Variants in GSDME observed in about 807,000 individuals in gnomAD.
GSDME encodes gasdermin-E.
GSDME carries 44 observed loss-of-function variants against 47.5 expected under a neutral mutation model. The observed-to-expected ratio is 0.93, with a 90% CI of 0.73 to 1.19. The LOEUF (loss-of-function observed/expected upper bound fraction) is 1.19, where lower values mean the gene tolerates loss of function less well. Ranked by LOEUF, GSDME falls within the 50% of genes most tolerant of loss-of-function variation. GSDME has a pLI of 0.00. For synonymous variants in GSDME, 258 were observed against 252.8 expected, an observed-to-expected ratio of 1.02 and a Z score of -0.20; for missense variants, 663 against 604.2, an observed-to-expected ratio of 1.10 and a Z score of -1.02.
intron 5 of GSDME, among the ~76,000 whole-genome samples, chr7:24,713,268 T>C (rs1434910650): frequency 6.6e-6 from 1 of 152,104 alleles, no homozygotes; most frequent in East Asian, 1.9e-4. Flanking sequence ...CGGCTGCTCC[T>C]TTCCTCCAGG....
chr7:24,783,949 G>A, the GSDME span, among the ~76,000 whole-genome samples: 22 of 152,122 alleles, frequency 1.4e-4, no homozygotes, highest in African/African-American at 5.3e-4. Flanking sequence ...CACAGGCAGT[G>A]GAAATGTGGA....
chr7:24,711,992 G>A (rs993265728), intron 5 of GSDME, among the ~76,000 whole-genome samples: 1 of 152,188 alleles, frequency 6.6e-6, no homozygotes, highest in Non-Finnish European at 1.5e-5. Context: ...ACTAACTTGT[G>A]TACGTAAGCA....
chr7:24,772,807 T>C, the GSDME span, among the ~76,000 whole-genome samples: 1 of 152,228 alleles, frequency 6.6e-6, no homozygotes, highest in Admixed American at 6.5e-5. The surrounding 1 kb of genome is among the most constrained non-coding windows in gnomAD (Gnocchi z 4.5). Context: ...GAAAGGTATT[T>C]CTTTCTGACT....
rs1791028184 is a variant in GSDME at position 24,756,680 on chromosome 7, C to A, written c.-20+716G>T. Among the ~76,000 whole-genome samples, 1 of 152,176 alleles carries A rather than the reference C, an allele frequency of 6.6e-6. No homozygotes were observed. Among genetic ancestry groups the A allele is most frequent in the Non-Finnish European group, 1.5e-5 (1 of 68,038 alleles). ...GTGGTCGGTGTGTTCAGTCCACAACCAGCGCTTTTCTAAGAGGTGCCCTCT... is the reference window on the plus strand; with the variant it reads ...GTGGTCGGTGTGTTCAGTCCACAACAAGCGCTTTTCTAAGAGGTGCCCTCT... On this transcript the variant is annotated intron_variant, in intron 1 of 9. Coordinates refer to ENST00000645220, the MANE Select transcript of GSDME (RefSeq NM_001127453.2). The surrounding 1 kb of genome is among the most constrained non-coding windows in gnomAD (Gnocchi z 4.2).
At chr7:24,708,634 C>G (rs113939719) in intron 6 of GSDME, among the ~76,000 whole-genome samples, 1 of 152,234 alleles carries the variant, frequency 6.6e-6, no homozygotes, top group Non-Finnish European at 1.5e-5. Context: ...AGTGCTTTTA[C>G]AATGCTTTAG....
At chr7:24,709,617 C>T (rs1321381233) in intron 6 of GSDME, among the ~76,000 whole-genome samples, 1 of 152,048 alleles carries the variant, frequency 6.6e-6, no homozygotes, top group Admixed American at 6.6e-5. Context: ...TTTTCCTTGC[C>T]CATCTCCTCC....
intron 3 of GSDME, among the ~76,000 whole-genome samples, chr7:24,734,772 A>G (rs977795515): frequency 2.0e-5 from 3 of 151,698 alleles, no homozygotes; most frequent in Non-Finnish European, 4.4e-5. Flanking sequence ...AAAAAGAATG[A>G]AAAAGAATGA....
intron 3 of GSDME, among the ~76,000 whole-genome samples, chr7:24,730,849 A>G (rs1790122194): frequency 6.6e-6 from 1 of 152,126 alleles, no homozygotes. Flanking sequence ...AATGAAACTC[A>G]TCAGACAAGG....
the GSDME span, among the ~76,000 whole-genome samples, chr7:24,786,728 G>C: frequency 9.7e-3 from 1,471 of 152,220 alleles, 18 homozygotes; most frequent in African/African-American, 0.034. The surrounding 1 kb of genome is among the most constrained non-coding windows in gnomAD (Gnocchi z 5.5). Flanking sequence ...TTTTGGAGGT[G>C]GACAGTCGTG....
Position 24,742,063 on chromosome 7 carries a change from T to C in GSDME, c.404+2499A>G, listed in dbSNP as rs988671117. 6.6e-6 allele frequency among the ~76,000 whole-genome samples: 1 copy of C among 152,142 alleles called. No individual in the cohort carries two copies. Among genetic ancestry groups the C allele is most frequent in the Non-Finnish European group, 1.5e-5 (1 of 68,036 alleles). On this transcript the variant is annotated intron_variant, in intron 3 of 9. Coordinates refer to ENST00000645220, the MANE Select transcript of GSDME (RefSeq NM_001127453.2). This position sits in a 1 kb window ranked among gnomAD's most constrained non-coding sequence, Gnocchi z 4.4. The stretch of plus-strand genomic sequence containing the variant: ...CCATCACCACTACAAGTAATAGGAC[T>C]CCCGAGTCCAAGTGATCTCATCCCT...
At position 24,737,571 on chromosome 7, in the gene GSDME, TA is replaced by T. The variant is rs543134578; in HGVS notation, c.404+6990del. On this transcript the variant is annotated intron_variant, in intron 3 of 9. Coordinates refer to ENST00000645220, the MANE Select transcript of GSDME (RefSeq NM_001127453.2). ...TCACTGTTGAATGTTACCAAACATTTAAAAAAGAATGAATACCAATCCTACT... is the reference window on the plus strand; with the variant it reads ...TCACTGTTGAATGTTACCAAACATTTAAAAAGAATGAATACCAATCCTACT... 1.1e-4 allele frequency among the ~76,000 whole-genome samples: 16 copies of T among 151,994 alleles called. No individual in the cohort carries two copies. The East Asian group carries it at 2.9e-3, about 28-fold the overall frequency.
chr7:24,744,768 G>C lies in GSDME; in HGVS notation c.212-14C>G. 1 of 1,613,846 alleles carries C rather than the reference G, an allele frequency of 6.2e-7. No homozygotes were observed. Among genetic ancestry groups the C allele is most frequent in the Non-Finnish European group, 8.5e-7 (1 of 1,179,980 alleles). On this transcript the variant is annotated splice_polypyrimidine_tract_variant and intron_variant, in intron 2 of 9. Transcript: ENST00000645220. The surrounding 1 kb of genome is among the most constrained non-coding windows in gnomAD (Gnocchi z 4.5). ...ACTCCACGACCACTGGAATGGAGGA[G>C]ACGAGCAGAGGAAGCCGATGATGAT...
intron 5 of GSDME, among the ~76,000 whole-genome samples, chr7:24,715,900 ATG>A (rs779955805): frequency 2.7e-4 from 41 of 152,230 alleles, no homozygotes; most frequent in Middle Eastern, 3.4e-3. Flanking sequence ...CATTTGCAGA[ATG>A]AGAGAGGGAG....
rs1791069857 is a variant in GSDME at position 24,757,404 on chromosome 7, C to T, written c.-28G>A. The T allele has an allele frequency of 1.3e-5, 2 of 152,262 alleles. No homozygotes were observed. Among genetic ancestry groups the T allele is most frequent in the South Asian group, 4.1e-4 (2 of 4,834 alleles). The allele number at this position is 152,262 out of a possible 1,614,324, so 9.4% of individuals were successfully genotyped here. ...GCCCGCCGCGCACTTACCCGCGCGC[C>T]CGCTGCTGGGTCCCCGGCAGCCGCG... is the stretch of plus-strand genomic sequence containing the variant. On this transcript the variant is annotated 5_prime_UTR_variant, in exon 1 of 10. Transcript: ENST00000645220. The surrounding 1 kb of genome is among the most constrained non-coding windows in gnomAD (Gnocchi z 5.9).
intron 3 of GSDME, 50 bp from the exon 4 acceptor site, chr7:24,719,268 G>A (rs771351019): frequency 6.3e-7 from 1 of 1,581,872 alleles, no homozygotes; most frequent in South Asian, 1.1e-5. Context: ...GGGGACATTG[G>A]TGTAGTGTGA....
At chr7:24,699,765 G>A (rs184034249) in intron 9 of GSDME, among the ~76,000 whole-genome samples, 147 of 152,270 alleles carry the variant, frequency 9.7e-4, no homozygotes, top group African/African-American at 3.4e-3. Flanking sequence ...TCCTCTGTCT[G>A]AATCCCTACT....
the GSDME span, among the ~76,000 whole-genome samples, chr7:24,786,536 G>C: frequency 4.2e-3 from 639 of 152,284 alleles, 7 homozygotes; most frequent in African/African-American, 0.014. This position sits in a 1 kb window ranked among gnomAD's most constrained non-coding sequence, Gnocchi z 5.5. Flanking sequence ...TCGGAGTGGG[G>C]TTGCAAAACT....
At chr7:24,755,282 G>C (rs1025900185) in intron 1 of GSDME, among the ~76,000 whole-genome samples, 1 of 152,172 alleles carries the variant, frequency 6.6e-6, no homozygotes, top group African/African-American at 2.4e-5. Flanking sequence ...CACGTTCAAA[G>C]CACAAAAATG....
At chr7:24,786,278 C>T in the GSDME span, among the ~76,000 whole-genome samples, 24 of 152,198 alleles carry the variant, frequency 1.6e-4, no homozygotes, top group Non-Finnish European at 3.2e-4. The surrounding 1 kb of genome is among the most constrained non-coding windows in gnomAD (Gnocchi z 5.5). Context: ...TTCAAAAACC[C>T]GAGGAAAACT....
Sources: allele counts gnomAD v4.1 joint callset (sites outside exome capture counted in the v4.1 genomes callset), GRCh38; gene constraint gnomAD v4.1.1; non-coding constraint Gnocchi (gnomAD v3.1); transcripts MANE v1.5; gene names NCBI Gene and HGNC (gene_info 2026-07-23, HGNC 2026-07-21).